Variants in KATNAL1 observed in about 807,000 individuals in gnomAD.
The protein encoded by KATNAL1 is katanin catalytic subunit A1 like 1.
Under a neutral mutation model 55.2 loss-of-function variants are expected in KATNAL1, and 32 were observed. The ratio of observed to expected loss-of-function variants is 0.58; its 90% CI spans 0.44 to 0.78. The LOEUF (loss-of-function observed/expected upper bound fraction) is 0.78. Ranked by LOEUF, KATNAL1 falls within the 30% of genes least tolerant of loss-of-function variation. The pLI, the probability that KATNAL1 is intolerant of heterozygous loss-of-function variation, is 0.00. For synonymous variants in KATNAL1, 193 were observed against 193.6 expected, an observed-to-expected ratio of 1.00 and a Z score of 0.02; for missense variants, 466 against 600.9, an observed-to-expected ratio of 0.78 and a Z score of 2.35.
intron 9 of KATNAL1, among the ~76,000 whole-genome samples, chr13:30,213,250 A>G (rs1319376646): frequency 1.3e-5 from 2 of 152,216 alleles, no homozygotes; most frequent in African/African-American, 4.8e-5. Context: ...GAATAGACCA[A>G]TAACAGGAGC....
intron 6 of KATNAL1, among the ~76,000 whole-genome samples, chr13:30,234,334 C>T (rs771093090): frequency 5.3e-5 from 8 of 152,308 alleles, no homozygotes; most frequent in South Asian, 2.1e-4. Context: ...CTATTTCTTC[C>T]TCATAAGCTA....
intron 6 of KATNAL1, among the ~76,000 whole-genome samples, chr13:30,233,952 GGGAGAA>G (rs1876379865): frequency 6.6e-6 from 1 of 152,292 alleles, no homozygotes; most frequent in South Asian, 2.1e-4. Flanking sequence ...TAGGGGTCAA[GGGAGAA>G]TTAAGAGAGG....
chr13:30,224,921 A>G (rs1384353176), intron 9 of KATNAL1, among the ~76,000 whole-genome samples: 1 of 152,200 alleles, frequency 6.6e-6, no homozygotes, highest in Non-Finnish European at 1.5e-5. Flanking sequence ...GTTAGTGTGG[A>G]CCACATGAGT....
rs1873342374 is a variant in KATNAL1, at chr13:30,208,346, G to T, written c.*194C>A. 1.9e-6 allele frequency: 1 copy of T among 530,326 alleles called. No homozygotes were observed. 32.9% of individuals were successfully genotyped at this position (530,326 alleles called of 1,614,324 possible). On this transcript the variant is annotated 3_prime_UTR_variant, in exon 11 of 11. Transcript: ENST00000380615. ...CGTGGAATACCAGCACAAAGCCGGG[G>T]AGGGAGACTAGCAAACTCTCGCCAT...
chr13:30,225,681 CACACAA>C (rs1875398650), intron 9 of KATNAL1, among the ~76,000 whole-genome samples: 2 of 127,122 alleles, frequency 1.6e-5, no homozygotes, highest in Non-Finnish European at 3.5e-5. Context: ...CACACACACA[CACACAA>C]ATTCATTCAA....
intron 3 of KATNAL1, among the ~76,000 whole-genome samples, chr13:30,276,050 A>C (rs559286956): frequency 6.6e-6 from 1 of 152,322 alleles, no homozygotes; most frequent in East Asian, 1.9e-4. Flanking sequence ...AACTATTATA[A>C]AATCATTTCG....
chr13:30,254,557 T>C (rs1878621934), intron 4 of KATNAL1, among the ~76,000 whole-genome samples: 1 of 152,222 alleles, frequency 6.6e-6, no homozygotes, highest in Admixed American at 6.5e-5. Context: ...CTGGAGTCCT[T>C]ACCTACAGAT....
intron 3 of KATNAL1, among the ~76,000 whole-genome samples, chr13:30,276,516 C>CAAAAAAAAAAAAAAG (rs1880854060): frequency 1.0e-5 from 1 of 99,106 alleles, no homozygotes. Flanking sequence ...TGAGAGATGG[C>CAAAAAAAAAAAAAAG]AAAAAAAAAA....
chr13:30,276,514 G>A (rs1880852885), intron 3 of KATNAL1, among the ~76,000 whole-genome samples: 2 of 132,246 alleles, frequency 1.5e-5, no homozygotes, highest in Non-Finnish European at 1.7e-5. Context: ...GGTGAGAGAT[G>A]GCAAAAAAAA....
chr13:30,268,584 A>G (rs1330145107), intron 3 of KATNAL1, among the ~76,000 whole-genome samples: 1 of 152,208 alleles, frequency 6.6e-6, no homozygotes, highest in East Asian at 1.9e-4. Context: ...CCAGAAGACA[A>G]AATACTATTA....
intron 10 of KATNAL1, 152 bp from the exon 11 acceptor site, chr13:30,208,890 G>A (rs920801972): frequency 1.7e-6 from 1 of 573,166 alleles, no homozygotes; most frequent in Non-Finnish European, 2.9e-6. Context: ...CATCCTGGGG[G>A]TTCAGCAGAA....
At chr13:30,295,226 A>G (rs947386477) in intron 1 of KATNAL1, among the ~76,000 whole-genome samples, 7 of 152,224 alleles carry the variant, frequency 4.6e-5, no homozygotes, top group African/African-American at 1.7e-4. Flanking sequence ...AAGTAAATTG[A>G]ACACTTTCTG....
At chr13:30,242,352 A>G (rs567698025) in intron 4 of KATNAL1, among the ~76,000 whole-genome samples, 1 of 152,330 alleles carries the variant, frequency 6.6e-6, no homozygotes, top group African/African-American at 2.4e-5. Flanking sequence ...CTGCATGCCT[A>G]TCTGAAAGTA....
intron 9 of KATNAL1, among the ~76,000 whole-genome samples, chr13:30,222,526 T>A (rs1279583156): frequency 6.6e-6 from 1 of 152,174 alleles, no homozygotes. Flanking sequence ...AGTTAATACA[T>A]GGACCAGAAC....
At chr13:30,227,886 T>C (rs1875672507) in intron 8 of KATNAL1, among the ~76,000 whole-genome samples, 1 of 152,190 alleles carries the variant, frequency 6.6e-6, no homozygotes, top group South Asian at 2.1e-4. Context: ...GGCTCTGTTT[T>C]ATTCCTCTTA....
rs1486343457 is a variant in KATNAL1, at chr13:30,208,041, A to G, written c.*499T>C. On this transcript the variant is annotated 3_prime_UTR_variant, in exon 11 of 11. Coordinates refer to ENST00000380615, the MANE Select transcript of KATNAL1 (RefSeq NM_032116.5). ...ATGACAGACTCTAACAGTAAGTCAT[A>G]AATTCTAAAGGTTTAATTAGTAAAT... is the stretch of plus-strand genomic sequence containing the variant. 1 of 152,288 alleles carries G rather than the reference A, an allele frequency of 6.6e-6. No individual in the cohort carries two copies. The highest frequency in any genetic ancestry group is 2.4e-5 in the African/African-American group (1 of 41,470). The allele number at this position is 152,288 out of a possible 1,614,324, so 9.4% of individuals were successfully genotyped here.
intron 4 of KATNAL1, among the ~76,000 whole-genome samples, chr13:30,245,574 A>G (rs1371650296): frequency 6.6e-6 from 1 of 152,190 alleles, no homozygotes; most frequent in Non-Finnish European, 1.5e-5. Context: ...AAAGAGAAAG[A>G]AATAAAGGGG....
intron 6 of KATNAL1, among the ~76,000 whole-genome samples, chr13:30,240,198 T>G (rs932750313): frequency 9.9e-5 from 15 of 152,166 alleles, no homozygotes; most frequent in Non-Finnish European, 1.9e-4. Context: ...TCCAGAAAAT[T>G]CTTAAAACTA....
In KATNAL1 at chr13:30,230,606, T is replaced by C; in HGVS notation, c.886-12A>G. ...GCATAAAATCTAGCCTTTATGAAAATATTTTAAAGAAATCATTCAATAATC... is the reference window on the plus strand; with the variant it reads ...GCATAAAATCTAGCCTTTATGAAAACATTTTAAAGAAATCATTCAATAATC... On this transcript the variant is annotated splice_polypyrimidine_tract_variant and intron_variant, in intron 7 of 10. Transcript: ENST00000380615. 2 of 1,566,788 alleles carry C rather than the reference T, an allele frequency of 1.3e-6. No individual in the cohort carries two copies. Among genetic ancestry groups the C allele is most frequent in the Admixed American group, 1.9e-5 (1 of 53,358 alleles).
Sources: gnomAD v4.1 joint callset for allele counts (sites outside exome capture counted in the v4.1 genomes callset) on GRCh38, gnomAD v4.1.1 for gene constraint, MANE v1.5 for transcripts, NCBI Gene and HGNC (gene_info 2026-07-23, HGNC 2026-07-21) for gene names.